PGCKA1: variants seen among roughly 807,000 people sequenced by gnomAD.
PGCKA1 encodes PDCD10 and GCKIII kinases associated 1, also known as PDCD10 and GCKIII kinases-associated protein 1.
chr4:37,558,447 G>A, the PGCKA1 span, among the ~76,000 whole-genome samples: 1 of 152,034 alleles, frequency 6.6e-6, no homozygotes, highest in Admixed American at 6.6e-5. Flanking sequence ...CGGGACCTAC[G>A]GCATCAGCCT....
the PGCKA1 span, among the ~76,000 whole-genome samples, chr4:37,481,414 A>G: frequency 0.98 from 143,944 of 147,506 alleles, 70,315 homozygotes; most frequent in East Asian, 1. Flanking sequence ...GCAGTGAGCC[A>G]AGATCGCACC....
At chr4:37,454,005 CCCGCCG>C in the PGCKA1 span, 7 of 159,404 alleles carry the variant, frequency 4.4e-5, no homozygotes, top group African/African-American at 7.3e-5. Flanking sequence ...GCGCCGGGAC[CCCGCCG>C]CCGCCGCCGC....
At chr4:37,489,728 G>A in the PGCKA1 span, among the ~76,000 whole-genome samples, 2 of 152,062 alleles carry the variant, frequency 1.3e-5, no homozygotes, top group Non-Finnish European at 2.9e-5. Flanking sequence ...TTGAAGACCT[G>A]GGATGACAAA....
chr4:37,563,685 T>C, the PGCKA1 span, among the ~76,000 whole-genome samples: 1 of 152,230 alleles, frequency 6.6e-6, no homozygotes, highest in Non-Finnish European at 1.5e-5. Flanking sequence ...CAGGTGGCCC[T>C]GAGCTGTGCT....
the PGCKA1 span, among the ~76,000 whole-genome samples, chr4:37,453,395 A>G: frequency 1.3e-5 from 2 of 152,148 alleles, no homozygotes; most frequent in African/African-American, 4.8e-5. Flanking sequence ...AGTGTGTGCA[A>G]CTTCCCTGGT....
At chr4:37,458,077 A>C in the PGCKA1 span, among the ~76,000 whole-genome samples, 1 of 152,196 alleles carries the variant, frequency 6.6e-6, no homozygotes, top group African/African-American at 2.4e-5. Flanking sequence ...TCCTTTTTAG[A>C]GCTGGAAAAG....
chr4:37,561,975 G>A, the PGCKA1 span, among the ~76,000 whole-genome samples: 1 of 152,110 alleles, frequency 6.6e-6, no homozygotes, highest in East Asian at 1.9e-4. Flanking sequence ...CTTGCACCTA[G>A]GACCACTAGA....
the PGCKA1 span, among the ~76,000 whole-genome samples, chr4:37,533,873 A>G: frequency 6.6e-6 from 1 of 152,210 alleles, no homozygotes; most frequent in Admixed American, 6.5e-5. Flanking sequence ...CTTACAGTGC[A>G]TATTTTCTTT....
chr4:37,575,620 C>T, the PGCKA1 span, among the ~76,000 whole-genome samples: 1 of 152,048 alleles, frequency 6.6e-6, no homozygotes, highest in African/African-American at 2.4e-5. Flanking sequence ...TCTTTGTTGT[C>T]CATTGTTGCT....
the PGCKA1 span, among the ~76,000 whole-genome samples, chr4:37,474,389 C>T: frequency 2.6e-5 from 4 of 152,282 alleles, no homozygotes; most frequent in African/African-American, 9.6e-5. Context: ...ATAAATTACT[C>T]AGTCTCAGGT....
At chr4:37,584,565 C>G in the PGCKA1 span, among the ~76,000 whole-genome samples, 1 of 152,078 alleles carries the variant, frequency 6.6e-6, no homozygotes, top group Non-Finnish European at 1.5e-5. Flanking sequence ...AGGAGGGGAG[C>G]CTAAAAGCCG....
the PGCKA1 span, among the ~76,000 whole-genome samples, chr4:37,543,646 G>A: frequency 1.4e-5 from 2 of 145,046 alleles, no homozygotes; most frequent in South Asian, 4.6e-4. Context: ...TTGAGACCAC[G>A]GTGAAACCCA....
At chr4:37,563,525 T>C in the PGCKA1 span, among the ~76,000 whole-genome samples, 4 of 152,160 alleles carry the variant, frequency 2.6e-5, no homozygotes, top group African/African-American at 9.7e-5. Flanking sequence ...GATGACCTCA[T>C]TTAACCTTAA....
the PGCKA1 span, among the ~76,000 whole-genome samples, chr4:37,532,248 AGGAAATTTTTCTTCCAATATTC>A: frequency 6.6e-6 from 1 of 152,234 alleles, no homozygotes; most frequent in Non-Finnish European, 1.5e-5. Context: ...CATGGGAAAA[AGGAAATTTTTCTTCCAATATTC>A]AAAAGCTATT....
chr4:37,540,737 G>A, the PGCKA1 span, among the ~76,000 whole-genome samples: 1 of 152,178 alleles, frequency 6.6e-6, no homozygotes, highest in Non-Finnish European at 1.5e-5. Context: ...TCAGAAAAAG[G>A]AGCCCAGCTT....
At chr4:37,465,599 C>T in the PGCKA1 span, among the ~76,000 whole-genome samples, 1 of 152,140 alleles carries the variant, frequency 6.6e-6, no homozygotes. Context: ...GCAGGCCTTG[C>T]AGACCACATG....
At chr4:37,539,404 CCCAGCACTT>C in the PGCKA1 span, among the ~76,000 whole-genome samples, 1 of 152,142 alleles carries the variant, frequency 6.6e-6, no homozygotes, top group African/African-American at 2.4e-5. Context: ...CACCTGTAAT[CCCAGCACTT>C]TGGGAGGCCA....
At chr4:37,454,237 A>C in the PGCKA1 span, among the ~76,000 whole-genome samples, 2 of 152,124 alleles carry the variant, frequency 1.3e-5, no homozygotes, top group Non-Finnish European at 2.9e-5. Context: ...ACGTAATTCA[A>C]CAAAGGGGCT....
chr4:37,521,903 C>T, the PGCKA1 span, among the ~76,000 whole-genome samples: 4 of 152,294 alleles, frequency 2.6e-5, no homozygotes, highest in East Asian at 7.7e-4. Context: ...ATTGTTATAT[C>T]CTGTTATCAA....
Sources: allele counts gnomAD v4.1 joint callset (sites outside exome capture counted in the v4.1 genomes callset), GRCh38; gene constraint gnomAD v4.1.1; transcripts MANE v1.5; gene names NCBI Gene and HGNC (gene_info 2026-07-23, HGNC 2026-07-21).